CDH13: variants seen among roughly 807,000 people sequenced by gnomAD.
CDH13 encodes the protein cadherin-13.
CDH13 carries 24 observed loss-of-function variants against 63.8 expected under a neutral mutation model. That is an observed-to-expected ratio of 0.38 (90% confidence interval 0.27 to 0.53). The LOEUF is 0.53. Among genes scored for constraint, CDH13 ranks in the 20% least tolerant of loss-of-function variants. The probability of loss-of-function intolerance (pLI) is 0.85; values close to 1 mark genes in which losing one functional copy is unlikely to be tolerated. For missense variants in CDH13, 1,049 were observed against 903.1 expected, an observed-to-expected ratio of 1.16 and a Z score of -2.07; for synonymous variants, 503 against 355.3, an observed-to-expected ratio of 1.42 and a Z score of -4.67.
chr16:83,044,340 A>G (rs1917588633), intron 3 of CDH13, among the ~76,000 whole-genome samples: 1 of 152,214 alleles, frequency 6.6e-6, no homozygotes, highest in Admixed American at 6.5e-5. Flanking sequence ...TTTTCAGTAA[A>G]TTTCCTGAAA....
At chr16:83,686,063 T>G (rs1282543537) in intron 10 of CDH13, among the ~76,000 whole-genome samples, 1 of 152,172 alleles carries the variant, frequency 6.6e-6, no homozygotes, top group Non-Finnish European at 1.5e-5. Flanking sequence ...TTTTTACTGA[T>G]GAGGAGAGAG....
At chr16:83,134,677 T>C (rs979173017) in intron 4 of CDH13, among the ~76,000 whole-genome samples, 2 of 152,204 alleles carry the variant, frequency 1.3e-5, no homozygotes, top group African/African-American at 4.8e-5. Context: ...TCATAACTTT[T>C]ATCTTTTTTC....
In CDH13 at chr16:83,326,257, C is replaced by G. The variant is rs1329328545; in HGVS notation, c.637-18605C>G. Among the ~76,000 whole-genome samples the G allele has an allele frequency of 2.6e-5, 4 of 152,260 alleles. No individual in the cohort carries two copies. The East Asian group carries it at 7.7e-4, about 29-fold the overall frequency. On this transcript the variant is annotated intron_variant, in intron 5 of 13. Transcript: ENST00000567109. ...ATTCTTCCTGGAAATTTCTTGGTAG[C>G]AATGCCTCTGCCAACATGTACCATA...
chr16:83,389,301 AT>A lies in CDH13; in HGVS notation c.781+44302del, dbSNP rs146053396. On this transcript the variant is annotated intron_variant, in intron 6 of 13. Transcript: ENST00000567109. ...TATCTTAACGTTTTAGTGTATAAGC[AT>A]TTTTTTAGGTGTTTGTGTGTGTATA... 9.5e-3 allele frequency among the ~76,000 whole-genome samples: 1,454 copies of A among 152,288 alleles called. 24 individuals are homozygous for A. The highest frequency in any genetic ancestry group is 0.033 in the African/African-American group (1,380 of 41,558).
In CDH13 at chr16:83,562,599, A is replaced by T. The variant is rs140590792; in HGVS notation, c.961-39855A>T. Among the ~76,000 whole-genome samples the T allele has an allele frequency of 7.2e-3, 1,093 of 152,346 alleles. 11 individuals are homozygous for T. The highest frequency in any genetic ancestry group is 0.024 in the African/African-American group (1,010 of 41,582). ...ACAGATGTAAGATTTGAGATAAAAC[A>T]TATCTTAAGTGAATAGATTGTCTTT... On this transcript the variant is annotated intron_variant, in intron 7 of 13. Coordinates refer to ENST00000567109, the MANE Select transcript of CDH13 (RefSeq NM_001257.5).
At chr16:83,533,440 C>G (rs948739067) in intron 7 of CDH13, among the ~76,000 whole-genome samples, 2 of 151,996 alleles carry the variant, frequency 1.3e-5, no homozygotes, top group Non-Finnish European at 2.9e-5. Flanking sequence ...CAGGTCCCTG[C>G]CTGAAGCCGA....
intron 3 of CDH13, among the ~76,000 whole-genome samples, chr16:83,098,461 G>A (rs548176833): frequency 6.6e-6 from 1 of 152,176 alleles, no homozygotes; most frequent in East Asian, 1.9e-4. Flanking sequence ...ATTCCTTTGT[G>A]TAGATTCATA....
At chr16:83,651,741 G>A (rs569188320) in intron 8 of CDH13, among the ~76,000 whole-genome samples, 69 of 150,842 alleles carry the variant, frequency 4.6e-4, no homozygotes, top group African/African-American at 1.6e-3. Flanking sequence ...GATTACAGGC[G>A]CCCACTACCA....
chr16:83,678,115 A>G (rs1392569172), intron 9 of CDH13, 93 bp from the exon 10 acceptor site: 1 of 1,371,164 alleles, frequency 7.3e-7, no homozygotes, highest in African/African-American at 1.4e-5. Context: ...CTGAAGGCCC[A>G]CTGTTGCTCG....
chr16:83,393,124 A>G (rs886771379), intron 6 of CDH13, among the ~76,000 whole-genome samples: 2 of 152,198 alleles, frequency 1.3e-5, no homozygotes, highest in African/African-American at 4.8e-5. Context: ...TATCTAGATA[A>G]AGTGTCCCCA....
chr16:83,453,760 CCACCATGTATCT>C (rs1293466173), intron 6 of CDH13, among the ~76,000 whole-genome samples: 4 of 59,278 alleles, frequency 6.7e-5, no homozygotes, highest in Admixed American at 1.8e-4. Context: ...CCATGTATCT[CCACCATGTATCT>C]GTGAGAGCTG....
At chr16:82,660,438 G>T (rs1393488835) in intron 1 of CDH13, among the ~76,000 whole-genome samples, 4 of 139,348 alleles carry the variant, frequency 2.9e-5, no homozygotes, top group African/African-American at 1.3e-4. Context: ...GTGCCTGCCG[G>T]GGCGTGCGGG....
At chr16:83,185,220 C>A (rs549132890) in intron 4 of CDH13, among the ~76,000 whole-genome samples, 3 of 152,146 alleles carry the variant, frequency 2.0e-5, no homozygotes, top group Non-Finnish European at 1.5e-5. Flanking sequence ...ACATTCATAC[C>A]CCATCTTTTA....
At chr16:82,851,860 C>G (rs895244544) in intron 1 of CDH13, among the ~76,000 whole-genome samples, 8 of 152,166 alleles carry the variant, frequency 5.3e-5, no homozygotes, top group African/African-American at 1.9e-4. Context: ...AAGTCAGAGG[C>G]AGTATCCTTT....
intron 3 of CDH13, among the ~76,000 whole-genome samples, chr16:83,103,077 G>A (rs895774962): frequency 2.7e-5 from 4 of 148,032 alleles, no homozygotes; most frequent in South Asian, 2.1e-4. Flanking sequence ...CTCAGCTTCC[G>A]AAGTAGCTGG....
At chr16:83,202,466 G>T (rs1158144373) in intron 4 of CDH13, among the ~76,000 whole-genome samples, 1 of 152,192 alleles carries the variant, frequency 6.6e-6, no homozygotes, top group African/African-American at 2.4e-5. Flanking sequence ...GGAAGAGACA[G>T]TAGCGGCTTC....
At chr16:83,495,518 C>A (rs1199202931) in intron 7 of CDH13, among the ~76,000 whole-genome samples, 2 of 152,142 alleles carry the variant, frequency 1.3e-5, no homozygotes, top group Non-Finnish European at 1.5e-5. Context: ...TTAGTTAATT[C>A]TCTCTTGGAT....
chr16:83,435,362 T>G (rs540014041), intron 6 of CDH13, among the ~76,000 whole-genome samples: 1 of 152,118 alleles, frequency 6.6e-6, no homozygotes, highest in South Asian at 2.1e-4. Flanking sequence ...GACATATTTT[T>G]AACGGTGTAG....
intron 3 of CDH13, among the ~76,000 whole-genome samples, chr16:83,122,672 G>T (rs556107339): frequency 1.3e-5 from 2 of 152,244 alleles, no homozygotes; most frequent in South Asian, 4.1e-4. Context: ...GAAGAGAGTT[G>T]CTTTTTATTT....
Sources: allele counts gnomAD v4.1 joint callset (sites outside exome capture counted in the v4.1 genomes callset), GRCh38; gene constraint gnomAD v4.1.1; transcripts MANE v1.5; gene names NCBI Gene and HGNC (gene_info 2026-07-23, HGNC 2026-07-21).